DLG2: variants seen among roughly 807,000 people sequenced by gnomAD.
DLG2 encodes the protein disks large homolog 2.
A neutral mutation model predicts 132.5 loss-of-function variants in DLG2; 45 were observed. The observed-to-expected ratio is 0.34, with a 90% CI of 0.27 to 0.44. DLG2 has a LOEUF of 0.44. Ranked by LOEUF, DLG2 falls within the 20% of genes least tolerant of loss-of-function variation. DLG2 has a pLI of 1.00. For missense variants in DLG2, 1,045 were observed against 1,196.9 expected, an observed-to-expected ratio of 0.87 and a Z score of 1.87; for synonymous variants, 424 against 419.6, an observed-to-expected ratio of 1.01 and a Z score of -0.13.
chr11:85,209,443 G>GTTTTTTTTTT (rs1171176251), intron 4 of DLG2, among the ~76,000 whole-genome samples: 1 of 25,956 alleles, frequency 3.9e-5, no homozygotes, highest in African/African-American at 1.0e-4. Context: ...AAAGAAATCA[G>GTTTTTTTTTT]TCTTTTTTTT....
intron 6 of DLG2, among the ~76,000 whole-genome samples, chr11:84,543,713 A>T (rs1364035142): frequency 2.0e-5 from 3 of 152,204 alleles, no homozygotes; most frequent in Non-Finnish European, 2.9e-5. Flanking sequence ...TGGCTTGCCC[A>T]AAGAACCCTT....
intron 14 of DLG2, among the ~76,000 whole-genome samples, chr11:83,938,998 G>C (rs2082080531): frequency 6.6e-6 from 1 of 152,166 alleles, no homozygotes; most frequent in Non-Finnish European, 1.5e-5. Context: ...CTTGCCCTCA[G>C]TTTCTGTTCT....
intron 7 of DLG2, among the ~76,000 whole-genome samples, chr11:84,389,982 G>T (rs1229602072): frequency 6.6e-6 from 1 of 152,084 alleles, no homozygotes; most frequent in African/African-American, 2.4e-5. Context: ...TATCATTTAG[G>T]TATATATGTT....
chr11:85,541,267 A>T (rs1436979495), intron 3 of DLG2, among the ~76,000 whole-genome samples: 4 of 152,138 alleles, frequency 2.6e-5, no homozygotes, highest in Non-Finnish European at 4.4e-5. Flanking sequence ...ATTATTTAAT[A>T]CTTATGTATT....
intron 6 of DLG2, among the ~76,000 whole-genome samples, chr11:85,104,819 T>C (rs968960108): frequency 1.5e-5 from 2 of 136,812 alleles, no homozygotes; most frequent in African/African-American, 5.6e-5. Context: ...ATAGGAAGAA[T>C]GTCATAAAGT....
intron 3 of DLG2, among the ~76,000 whole-genome samples, chr11:85,351,050 T>G (rs1042335181): frequency 6.6e-6 from 1 of 152,166 alleles, no homozygotes; most frequent in East Asian, 1.9e-4. Context: ...AGGATGGAAT[T>G]TTCTTCCATT....
intron 3 of DLG2, among the ~76,000 whole-genome samples, chr11:85,299,462 A>C (rs1280670885): frequency 6.6e-6 from 1 of 152,166 alleles, no homozygotes; most frequent in Non-Finnish European, 1.5e-5. Context: ...TCCAGCTCAA[A>C]GATTCTTTCT....
chr11:83,963,548 T>G (rs2089426348), intron 13 of DLG2, among the ~76,000 whole-genome samples: 1 of 151,894 alleles, frequency 6.6e-6, no homozygotes, highest in Admixed American at 6.6e-5. Flanking sequence ...TAAAAACACC[T>G]CCTAACTGGG....
chr11:84,883,359 T>C (rs2087681764), intron 6 of DLG2, among the ~76,000 whole-genome samples: 1 of 151,866 alleles, frequency 6.6e-6, no homozygotes, highest in Admixed American at 6.6e-5. Context: ...ACCTAATGTA[T>C]GCGGGGCTTA....
intron 4 of DLG2, among the ~76,000 whole-genome samples, chr11:85,261,524 C>T (rs1045245832): frequency 1.3e-5 from 2 of 151,990 alleles, no homozygotes; most frequent in African/African-American, 2.4e-5. Flanking sequence ...CAGCAGACCC[C>T]GTGGGCCATT....
At chr11:84,400,932 C>G (rs1000888179) in intron 7 of DLG2, among the ~76,000 whole-genome samples, 1 of 152,154 alleles carries the variant, frequency 6.6e-6, no homozygotes, top group Non-Finnish European at 1.5e-5. Flanking sequence ...GCATCATCGT[C>G]ATCATCACCA....
At chr11:84,096,867 T>C (rs2097172083) in intron 10 of DLG2, among the ~76,000 whole-genome samples, 1 of 147,216 alleles carries the variant, frequency 6.8e-6, no homozygotes, top group Non-Finnish European at 1.5e-5. Flanking sequence ...TGTGGGAGTA[T>C]CTTTTTTGTT....
At chr11:84,429,438 A>G (rs2098977330) in intron 7 of DLG2, among the ~76,000 whole-genome samples, 1 of 152,150 alleles carries the variant, frequency 6.6e-6, no homozygotes, top group African/African-American at 2.4e-5. Context: ...ACTGACCTCT[A>G]ATCTGGTCTT....
chr11:84,896,976 T>C (rs1486825880), intron 6 of DLG2, among the ~76,000 whole-genome samples: 1 of 151,756 alleles, frequency 6.6e-6, no homozygotes, highest in Non-Finnish European at 1.5e-5. Flanking sequence ...TACATACAAT[T>C]TTTTTCATTA....
chr11:84,646,233 C>G (rs2099674750), intron 6 of DLG2, among the ~76,000 whole-genome samples: 1 of 152,074 alleles, frequency 6.6e-6, no homozygotes, highest in South Asian at 2.1e-4. Flanking sequence ...AATCCCTTTC[C>G]CATAAAAAAC....
intron 7 of DLG2, among the ~76,000 whole-genome samples, chr11:84,348,774 A>G (rs570194958): frequency 6.6e-6 from 1 of 152,190 alleles, no homozygotes; most frequent in Non-Finnish European, 1.5e-5. Flanking sequence ...CCTTAAAAGA[A>G]GGGAAAATTT....
chr11:83,953,225 A>C (rs2220087), intron 14 of DLG2, among the ~76,000 whole-genome samples: 151,564 of 152,274 alleles, frequency 1, 75,428 homozygotes, highest in Middle Eastern at 1. Flanking sequence ...AATATAGTAA[A>C]CTCACCCACA....
intron 18 of DLG2, chr11:83,693,836 A>C (rs1048150722): frequency 6.6e-6 from 1 of 152,140 alleles, no homozygotes; most frequent in African/African-American, 2.4e-5. Flanking sequence ...GGGACCAATC[A>C]CTGGGAGCAG....
chr11:83,786,961 T>C (rs928194706), intron 17 of DLG2, among the ~76,000 whole-genome samples, 169 bp from the exon 18 acceptor site: 35 of 152,316 alleles, frequency 2.3e-4, no homozygotes, highest in African/African-American at 7.5e-4. Context: ...TCACTTTTAG[T>C]TAGGAGAGAC....
Sources: gnomAD v4.1 joint callset for allele counts (sites outside exome capture counted in the v4.1 genomes callset) on GRCh38, gnomAD v4.1.1 for gene constraint, MANE v1.5 for transcripts, NCBI Gene and HGNC (gene_info 2026-07-23, HGNC 2026-07-21) for gene names.